ERH: variants seen among roughly 807,000 people sequenced by gnomAD.
ERH encodes ERH mRNA splicing and mitosis factor.
ERH carries 1 observed loss-of-function variant against 16.8 expected under a neutral mutation model. That is an observed-to-expected ratio of 0.06 (90% CI 0.02 to 0.28). The LOEUF (loss-of-function observed/expected upper bound fraction) is 0.28, where lower values mean the gene tolerates loss of function less well. Ranked by LOEUF, ERH falls within the 10% of genes least tolerant of loss-of-function variation. The pLI is 1.00. For synonymous variants in ERH, 43 were observed against 43.6 expected (o/e 0.99, Z 0.05); for missense variants, 42 against 127.5 (o/e 0.33, Z 3.23).
chr14:69,386,842 A>G (rs2045896164), intron 3 of ERH, 121 bp downstream of exon 3: 1 of 830,082 alleles, frequency 1.2e-6, no homozygotes, highest in Non-Finnish European at 1.8e-6. Context: ...ATTACTATAC[A>G]CTATGCAAAT....
In ERH at chr14:69,394,859, A is replaced by G. The variant is rs766614252; in HGVS notation, c.57T>C (p.Tyr19=). Residue 19 remains tyrosine, a synonymous_variant, in exon 2 of 4, where the codon TAT becomes TAC. Coordinates refer to ENST00000557016, the MANE Select transcript of ERH (RefSeq NM_004450.3). The stretch of plus-strand genomic sequence containing the variant: ...ATTCATTCACAGATTCGTAGTCAGC[A>G]TAAGTTCTGCCTTCTGGCCTCTTGG... ...QPTKRPEGRT[Y]ADYESVNECM... is the part of the protein sequence containing the mutation. The G allele has an allele frequency of 2.2e-5, 35 of 1,613,922 alleles. No individual in the cohort carries two copies. The highest frequency in any genetic ancestry group is 6.7e-5 in the East Asian group (3 of 44,892).
intron 3 of ERH, among the ~76,000 whole-genome samples, chr14:69,383,511 T>C (rs567826751): frequency 6.6e-6 from 1 of 152,230 alleles, no homozygotes; most frequent in African/African-American, 2.4e-5. Context: ...CTCCTGAATA[T>C]TCAAAGAACA....
intron 1 of ERH, 86 bp from the exon 2 acceptor site, chr14:69,394,998 T>C: frequency 1.1e-6 from 1 of 892,116 alleles, no homozygotes; most frequent in South Asian, 1.5e-5. Context: ...TGTAATGCAA[T>C]AATGATTGCT....
intron 1 of ERH, chr14:69,397,943 G>A (rs1471674654): frequency 1.7e-6 from 1 of 575,130 alleles, no homozygotes; most frequent in African/African-American, 1.9e-5. Context: ...CCTCCCCCAC[G>A]TCTCCCTCTA....
chr14:69,384,540 G>A (rs1391923268), intron 3 of ERH, among the ~76,000 whole-genome samples: 1 of 152,248 alleles, frequency 6.6e-6, no homozygotes, highest in East Asian at 1.9e-4. Context: ...CTGGGAGTAA[G>A]TATGACATCC....
intron 1 of ERH, 160 bp from the exon 2 acceptor site, chr14:69,395,072 G>C: frequency 3.3e-6 from 2 of 612,726 alleles, no homozygotes; most frequent in Non-Finnish European, 5.6e-6. Context: ...CTCATCCTCT[G>C]GGAGGCTGAG....
At chr14:69,396,550 C>T (rs907858750) in intron 1 of ERH, among the ~76,000 whole-genome samples, 11 of 152,216 alleles carry the variant, frequency 7.2e-5, no homozygotes, top group African/African-American at 1.9e-4. Flanking sequence ...CGTGAGCCAC[C>T]GCGCCTGGAC....
rs1463767496 is a variant in ERH at position 69,381,640 on chromosome 14, A to C, written c.213-1000T>G. ...CTTATCTGAATTAACTCATTTTTAC[A>C]ACCCTGTGAGTAGGTACAATTATCC... On this transcript the variant is annotated intron_variant, in intron 3 of 3. Coordinates refer to ENST00000557016, the MANE Select transcript of ERH (RefSeq NM_004450.3). 2.6e-5 allele frequency among the ~76,000 whole-genome samples: 4 copies of C among 152,214 alleles called. No individual in the cohort carries two copies. The East Asian group carries it at 5.8e-4, about 22-fold the overall frequency.
At chr14:69,384,458 A>G (rs1358389816) in intron 3 of ERH, among the ~76,000 whole-genome samples, 1 of 152,212 alleles carries the variant, frequency 6.6e-6, no homozygotes, top group African/African-American at 2.4e-5. Flanking sequence ...CTGCCACTCC[A>G]GCTAGCTCTT....
rs546257075 is a variant in ERH, at chr14:69,395,299, G to GA, written c.4-388dup. Among the ~76,000 whole-genome samples the GA allele has an allele frequency of 2.1e-3, 303 of 147,780 alleles. 3 individuals carry two copies. The highest frequency in any genetic ancestry group is 0.011 in the South Asian group (51 of 4,660). On this transcript the variant is annotated intron_variant, in intron 1 of 3. Coordinates refer to ENST00000557016, the MANE Select transcript of ERH (RefSeq NM_004450.3). ...GAGAGTGAGGCCCTATCTCTTAAAA[G>GA]AAAAAAAAAAGTCATTAGGATACTT...
At chr14:69,397,826 G>C (rs188704109) in intron 1 of ERH, among the ~76,000 whole-genome samples, 1 of 152,144 alleles carries the variant, frequency 6.6e-6, no homozygotes, top group East Asian at 1.9e-4. Flanking sequence ...GCTGAGACAG[G>C]AGAATTGCTT....
chr14:69,397,549 G>C (rs917775766), intron 1 of ERH, among the ~76,000 whole-genome samples: 13 of 151,014 alleles, frequency 8.6e-5, no homozygotes, highest in African/African-American at 3.2e-4. Flanking sequence ...GGTATAGCTG[G>C]ATCTGTCAGC....
intron 2 of ERH, among the ~76,000 whole-genome samples, chr14:69,389,934 CT>C (rs1418395197): frequency 6.6e-6 from 1 of 152,074 alleles, no homozygotes; most frequent in Non-Finnish European, 1.5e-5. Context: ...AATTTTTGTA[CT>C]TTTTGGAGAG....
chr14:69,380,678 C>A, intron 3 of ERH, 38 bp from the exon 4 acceptor site: 3 of 1,170,998 alleles, frequency 2.6e-6, no homozygotes, highest in South Asian at 2.5e-5. Context: ...TCACAGTGGT[C>A]AATCACTGCC....
At chr14:69,396,029 G>A (rs1456416741) in intron 1 of ERH, among the ~76,000 whole-genome samples, 3 of 152,114 alleles carry the variant, frequency 2.0e-5, no homozygotes, top group Admixed American at 6.5e-5. Context: ...TGTCCCTTGG[G>A]GAGCAAAAAA....
chr14:69,391,453 C>G (rs1213496796), intron 2 of ERH, among the ~76,000 whole-genome samples: 1 of 151,694 alleles, frequency 6.6e-6, no homozygotes, highest in Non-Finnish European at 1.5e-5. Flanking sequence ...TGAGACCAGC[C>G]TGGCCTACAC....
Position 69,386,952 on chromosome 14 carries a change from C to T in ERH, c.212+11G>A, listed in dbSNP as rs769644674. On this transcript the variant is annotated intron_variant, in intron 3 of 3. Transcript: ENST00000557016. ...AAATACAAGATAAAAGACATGTTGG[C>T]TAATACTTACACCAGGCAGCTGAGG... The T allele has an allele frequency of 6.2e-7, 1 of 1,612,182 alleles. No homozygotes were observed. The highest frequency in any genetic ancestry group is 1.1e-5 in the South Asian group (1 of 90,902).
rs1566902794 is a variant in ERH at position 69,398,210 on chromosome 14, AG to A, written c.3+20del. The A allele has an allele frequency of 6.2e-7, 1 of 1,614,004 alleles. No homozygotes were observed. Among genetic ancestry groups the A allele is most frequent in the East Asian group, 2.2e-5 (1 of 44,864 alleles). On this transcript the variant is annotated intron_variant, in intron 1 of 3. Coordinates refer to ENST00000557016, the MANE Select transcript of ERH (RefSeq NM_004450.3). ...GGAGGCCGGGGACTCGGACTCGGGT[AG>A]CCGCGGAGGCCTTTCTCACCATCGC...
At chr14:69,396,713 T>C (rs1882343312) in intron 1 of ERH, among the ~76,000 whole-genome samples, 1 of 152,220 alleles carries the variant, frequency 6.6e-6, no homozygotes, top group African/African-American at 2.4e-5. Flanking sequence ...TAAACCACTT[T>C]GACTAAAAGT....
Sources: allele counts gnomAD v4.1 joint callset (sites outside exome capture counted in the v4.1 genomes callset), GRCh38; gene constraint gnomAD v4.1.1; transcripts MANE v1.5; gene names NCBI Gene and HGNC (gene_info 2026-07-23, HGNC 2026-07-21).